The following HDAC4 variants were observed in gnomAD, a reference collection of about 807,000 sequenced individuals.
HDAC4 encodes the protein histone deacetylase A.
A neutral mutation model predicts 135.1 loss-of-function variants in HDAC4; 16 were observed. That is an observed-to-expected ratio of 0.12 (90% CI 0.08 to 0.18). The LOEUF is 0.18. HDAC4 is among the 10% of genes least tolerant of loss of function. HDAC4 has a pLI of 1.00. For missense variants in HDAC4, 1,143 were observed against 1,511.8 expected, an observed-to-expected ratio of 0.76 and a Z score of 4.05; for synonymous variants, 685 against 653.4, an observed-to-expected ratio of 1.05 and a Z score of -0.74.
At chr2:239,213,581 G>A (rs929871073) in intron 3 of HDAC4, among the ~76,000 whole-genome samples, 1 of 152,220 alleles carries the variant, frequency 6.6e-6, no homozygotes, top group African/African-American at 2.4e-5. Context: ...ACACCAGCTT[G>A]TGTTTTTCCA....
At chr2:239,080,105 C>A (rs928342382) in intron 22 of HDAC4, among the ~76,000 whole-genome samples, 4 of 148,726 alleles carry the variant, frequency 2.7e-5, no homozygotes, top group Admixed American at 2.6e-4. Flanking sequence ...GACACACACA[C>A]ACAGATGAAC....
intron 1 of HDAC4, among the ~76,000 whole-genome samples, chr2:239,395,084 A>T (rs1696470562): frequency 6.6e-6 from 1 of 152,216 alleles, no homozygotes; most frequent in Non-Finnish European, 1.5e-5. Context: ...AGGTAAAGGG[A>T]GGCCATTCCA....
chr2:239,121,194 C>T (rs1188498189), intron 12 of HDAC4, among the ~76,000 whole-genome samples: 3 of 152,118 alleles, frequency 2.0e-5, no homozygotes, highest in Non-Finnish European at 2.9e-5. Flanking sequence ...TGAGCCAAAA[C>T]GATCCACCCA....
At chr2:239,184,145 C>G (rs1457426910) in intron 4 of HDAC4, among the ~76,000 whole-genome samples, 1 of 148,390 alleles carries the variant, frequency 6.7e-6, no homozygotes, top group Non-Finnish European at 1.5e-5. Flanking sequence ...TTCATGCATT[C>G]GACTGGGAAT....
At chr2:239,230,146 A>G (rs1024709728) in intron 3 of HDAC4, among the ~76,000 whole-genome samples, 1 of 152,060 alleles carries the variant, frequency 6.6e-6, no homozygotes, top group African/African-American at 2.4e-5. Flanking sequence ...CCTGAACGCC[A>G]AAAGGAGGGG....
At chr2:239,318,411 G>A (rs970536008) in intron 2 of HDAC4, among the ~76,000 whole-genome samples, 1 of 152,188 alleles carries the variant, frequency 6.6e-6, no homozygotes, top group African/African-American at 2.4e-5. Context: ...TAAAAATGAC[G>A]AGGAGACTGT....
intron 18 of HDAC4, 147 bp downstream of exon 18, chr2:239,089,862 G>A (rs1481929684): frequency 4.3e-6 from 3 of 694,240 alleles, no homozygotes; most frequent in Non-Finnish European, 8.0e-6. Flanking sequence ...CAATAGCGAG[G>A]CTGTGCTGAC....
At chr2:239,088,673 AGT>A (rs1158463954) in intron 18 of HDAC4, among the ~76,000 whole-genome samples, 1 of 152,216 alleles carries the variant, frequency 6.6e-6, no homozygotes, top group African/African-American at 2.4e-5. Context: ...TCGATGAAGC[AGT>A]ATTCAGACAT....
Position 239,262,101 on chromosome 2 carries a change from C to T in HDAC4, c.23-25437G>A, listed in dbSNP as rs547904245. 7.2e-5 allele frequency among the ~76,000 whole-genome samples: 11 copies of T among 152,292 alleles called. No individual in the cohort carries two copies. Among genetic ancestry groups the T allele is most frequent in the South Asian group, 4.1e-4 (2 of 4,830 alleles). ...AAGCCCTGAGGGACCCTCCCAACCA[C>T]GCCAGCGCCGCCTGCAGTGACGCCG... On this transcript the variant is annotated intron_variant, in intron 2 of 26. Coordinates refer to ENST00000543185, the MANE Select transcript of HDAC4 (RefSeq NM_001378414.1). This position sits in a 1 kb window ranked among gnomAD's most constrained non-coding sequence, Gnocchi z 4.1.
intron 20 of HDAC4, 104 bp downstream of exon 20, chr2:239,084,051 C>T (rs540590971): frequency 2.6e-5 from 21 of 804,358 alleles, no homozygotes; most frequent in Middle Eastern, 2.2e-4. Context: ...GAAACCTAAG[C>T]TTCCCACATC....
At chr2:239,080,969 G>C in intron 22 of HDAC4, 126 bp downstream of exon 22, 1 of 692,320 alleles carries the variant, frequency 1.4e-6, no homozygotes, top group Non-Finnish European at 2.5e-6. Flanking sequence ...AGCTCCTCCG[G>C]ACCCCACAGC....
chr2:239,093,808 A>G, intron 17 of HDAC4: 5 of 378,240 alleles, frequency 1.3e-5, no homozygotes, highest in Non-Finnish European at 1.8e-5. Flanking sequence ...TGCCTTGCAC[A>G]GGCGTGCTGG....
At position 239,262,952 on chromosome 2, in the gene HDAC4, G is replaced by C. The variant is rs2049462189; in HGVS notation, c.23-26288C>G. 6.6e-6 allele frequency among the ~76,000 whole-genome samples: 1 copy of C among 152,020 alleles called. No individual in the cohort carries two copies. Among genetic ancestry groups the C allele is most frequent in the Admixed American group, 6.5e-5 (1 of 15,268 alleles). On this transcript the variant is annotated intron_variant, in intron 2 of 26. Transcript: ENST00000543185. The surrounding 1 kb of genome is among the most constrained non-coding windows in gnomAD (Gnocchi z 4.1). ...CTGGAAGCTTCTGTGCTTCACGAAA[G>C]ATCTACGCGTGAAGCCCCCGGGAAG...
intron 1 of HDAC4, among the ~76,000 whole-genome samples, chr2:239,376,816 C>T (rs144928958): frequency 1.3e-5 from 2 of 152,174 alleles, no homozygotes; most frequent in African/African-American, 2.4e-5. Context: ...GGCAGGGTCT[C>T]GGTGGAACCA....
intron 2 of HDAC4, among the ~76,000 whole-genome samples, chr2:239,275,627 G>A (rs2050313299): frequency 6.6e-6 from 1 of 152,196 alleles, no homozygotes; most frequent in African/African-American, 2.4e-5. Context: ...CGGTCTGTGT[G>A]TGTGCGGGTG....
intron 3 of HDAC4, among the ~76,000 whole-genome samples, chr2:239,217,223 C>T (rs1269798740): frequency 6.6e-6 from 1 of 152,148 alleles, no homozygotes; most frequent in Non-Finnish European, 1.5e-5. Flanking sequence ...CAGCATCGCT[C>T]CCGGAAGCTC....
chr2:239,152,781 G>T (rs1417996236), intron 7 of HDAC4, among the ~76,000 whole-genome samples: 1 of 152,184 alleles, frequency 6.6e-6, no homozygotes, highest in Non-Finnish European at 1.5e-5. Context: ...GCAAGGAGGT[G>T]GGGGGATGCT....
At chr2:239,205,022 G>C (rs1575402777) in intron 3 of HDAC4, among the ~76,000 whole-genome samples, 1 of 152,198 alleles carries the variant, frequency 6.6e-6, no homozygotes, top group East Asian at 1.9e-4. Context: ...CCCCGTCCCC[G>C]AGCCGCCTCT....
At chr2:239,283,498 C>A (rs2050944411) in intron 2 of HDAC4, among the ~76,000 whole-genome samples, 1 of 152,220 alleles carries the variant, frequency 6.6e-6, no homozygotes, top group Non-Finnish European at 1.5e-5. Flanking sequence ...GACGCCACTG[C>A]CGGCAGAGGC....
Sources: gnomAD v4.1 joint callset for allele counts (sites outside exome capture counted in the v4.1 genomes callset) on GRCh38, gnomAD v4.1.1 for gene constraint, Gnocchi (gnomAD v3.1) non-coding constraint, MANE v1.5 for transcripts, NCBI Gene and HGNC (gene_info 2026-07-23, HGNC 2026-07-21) for gene names.